Variants in ACP3 observed in about 807,000 individuals in gnomAD.
ACP3 encodes prostatic acid phosphatase.
Under a neutral mutation model 45.6 loss-of-function variants are expected in ACP3, and 38 were observed. The observed-to-expected ratio is 0.83, with a 90% CI of 0.64 to 1.09. The LOEUF (loss-of-function observed/expected upper bound fraction) is 1.09, where lower values mean the gene tolerates loss of function less well. Ranked by LOEUF, ACP3 falls within the 50% of genes least tolerant of loss-of-function variation. The pLI, the probability that ACP3 is intolerant of heterozygous loss-of-function variation, is 0.00. For synonymous variants in ACP3, 162 were observed against 164.7 expected (o/e 0.98, Z 0.13); for missense variants, 466 against 463.2 (o/e 1.01, Z -0.05).
chr3:132,319,442 A>G (rs1053681571), intron 1 of ACP3, among the ~76,000 whole-genome samples: 7 of 152,228 alleles, frequency 4.6e-5, no homozygotes, highest in Non-Finnish European at 8.8e-5. Flanking sequence ...TGAGTGTTCA[A>G]TATGAATTGT....
At chr3:132,319,494 A>G (rs1937167809) in intron 1 of ACP3, among the ~76,000 whole-genome samples, 1 of 152,252 alleles carries the variant, frequency 6.6e-6, no homozygotes, top group Admixed American at 6.5e-5. Flanking sequence ...TAAGGTCGTT[A>G]AATAAAATAT....
rs577248324 is a variant in ACP3 at position 132,355,149 on chromosome 3, A to G, written c.969-1537A>G. 3.9e-5 allele frequency among the ~76,000 whole-genome samples: 6 copies of G among 152,328 alleles called. No individual in the cohort carries two copies. The South Asian group carries it at 1.2e-3, about 32-fold the overall frequency. On this transcript the variant is annotated intron_variant, in intron 9 of 9. Coordinates refer to ENST00000336375, the MANE Select transcript of ACP3 (RefSeq NM_001099.5). ...GTGCTCACTTGCAGGCAGCTTGTAG[A>G]AAGGAATGAAAGGGTGGAGGCAGCA...
intron 6 of ACP3, among the ~76,000 whole-genome samples, chr3:132,343,155 T>C (rs1431780131): frequency 6.6e-6 from 1 of 152,222 alleles, no homozygotes; most frequent in Non-Finnish European, 1.5e-5. Flanking sequence ...TAAATTACGA[T>C]TGCTTTTCAA....
intron 6 of ACP3, among the ~76,000 whole-genome samples, chr3:132,342,995 A>G (rs1466224728): frequency 6.6e-6 from 1 of 152,226 alleles, no homozygotes. Flanking sequence ...TGAAAAAACA[A>G]TGTTGTTATA....
rs539612534 is a variant in ACP3 at position 132,330,831 on chromosome 3, C to G, written c.217-816C>G. Among the ~76,000 whole-genome samples, 12 of 152,306 alleles carry G rather than the reference C, an allele frequency of 7.9e-5. No individual in the cohort carries two copies. In the East Asian group the frequency reaches 2.3e-3, roughly 29 times the overall value. ...AAGCATGGTGCTCTACTACATGCAT[C>G]TGAATCACTTGGGAGACTTGTTAAA... On this transcript the variant is annotated intron_variant, in intron 2 of 9. Transcript: ENST00000336375.
Position 132,352,843 on chromosome 3 carries a change from T to G in ACP3, c.968+20T>G, listed in dbSNP as rs765358760. On this transcript the variant is annotated intron_variant, in intron 9 of 9. Coordinates refer to ENST00000336375, the MANE Select transcript of ACP3 (RefSeq NM_001099.5). ...GAAGGGGTAAGTGACTAAGTGCTTT[T>G]CAAAATCAGTATCACTGGACCTTGG... The G allele has an allele frequency of 6.6e-7, 1 of 1,508,866 alleles. No individual in the cohort carries two copies. The highest frequency in any genetic ancestry group is 1.1e-5 in the South Asian group (1 of 88,922). 93.5% of individuals were successfully genotyped at this position (1,508,866 alleles called of 1,614,324 possible). A position where few individuals can be genotyped will look rare whatever the true frequency, so the allele number is the denominator to read the frequency against.
rs761779572 is a variant in ACP3, at chr3:132,328,301, C to A, written c.155C>A (p.Thr52Asn). Residue 52 changes from threonine to asparagine, a missense_variant, in exon 2 of 10, where the codon ACC becomes AAC. Coordinates refer to ENST00000336375, the MANE Select transcript of ACP3 (RefSeq NM_001099.5). ...FRHGDRSPID[T>N]FPTDPIKESS... Reference sequence around the variant, plus strand: ...CATGGAGACCGAAGTCCCATTGACACCTTTCCCACTGACCCCATAAAGGAA... The same window carrying A: ...CATGGAGACCGAAGTCCCATTGACAACTTTCCCACTGACCCCATAAAGGAA... The A allele has an allele frequency of 2.5e-6, 4 of 1,613,866 alleles. No individual in the cohort carries two copies. The African/African-American group carries it at 4.0e-5, about 16-fold the overall frequency.
chr3:132,364,652 C>A (rs948689210), intron 10 of ACP3, among the ~76,000 whole-genome samples: 1 of 152,176 alleles, frequency 6.6e-6, no homozygotes, highest in African/African-American at 2.4e-5. Flanking sequence ...TTGTAATTAC[C>A]TTTCTGGTTC....
rs905001062 is a variant in ACP3 at position 132,367,957 on chromosome 3, G to T, written c.*135G>T. On this transcript the variant is annotated 3_prime_UTR_variant, in exon 11 of 11. Transcript: ENST00000351273. ...GCCTTTTGAATCTGCCCAGAGCAGG[G>T]TCTGAACTCACAGTGACCCACAGGC... 4 of 700,840 alleles carry T rather than the reference G, an allele frequency of 5.7e-6. No individual in the cohort carries two copies. In the Admixed American group the frequency reaches 6.7e-5, roughly 12 times the overall value. The allele number at this position is 700,840 out of a possible 1,614,324, so 43.4% of individuals were successfully genotyped here.
At position 132,349,958 on chromosome 3, in the gene ACP3, G is replaced by A. The variant is rs780319965; in HGVS notation, c.820G>A (p.Ala274Thr). Residue 274 changes from alanine (A) to threonine (T), a missense_variant, in exon 8 of 10, where the codon GCA becomes ACA. Ala to Thr is a moderately conservative substitution (Grantham distance 58). Coordinates refer to ENST00000336375, the MANE Select transcript of ACP3 (RefSeq NM_001099.5). ...TGAAATCCTCAATCACATGAAGAGA[G>A]CAACTCAGATACCAAGCTACAAAAA... ...VNEILNHMKRATQIPSYKKLI... is the reference protein window; with the variant it reads ...VNEILNHMKRTTQIPSYKKLI... The A allele has an allele frequency of 1.2e-6, 2 of 1,612,944 alleles. No homozygotes were observed. Among genetic ancestry groups the A allele is most frequent in the African/African-American group, 2.7e-5 (2 of 74,906 alleles).
intron 1 of ACP3, among the ~76,000 whole-genome samples, chr3:132,319,024 C>G (rs1322294499): frequency 6.6e-6 from 1 of 152,190 alleles, no homozygotes; most frequent in East Asian, 1.9e-4. Flanking sequence ...CAAGTTAATT[C>G]TTTCCTGAGG....
intron 1 of ACP3, among the ~76,000 whole-genome samples, chr3:132,325,016 G>A (rs1437262126): frequency 6.6e-6 from 1 of 152,222 alleles, no homozygotes; most frequent in Non-Finnish European, 1.5e-5. Flanking sequence ...TGCTAATAAA[G>A]TATTTTTAGG....
rs1937960292 is a variant in ACP3 at position 132,358,210 on chromosome 3, A to C, written c.*1332A>C. The stretch of plus-strand genomic sequence containing the variant: ...TGTTCAAGACCAGCCTGGTCAACAT[A>C]GTGAGACACTGTCTCTACCAAAAAA... On this transcript the variant is annotated 3_prime_UTR_variant, in exon 10 of 10. Coordinates refer to ENST00000336375, the MANE Select transcript of ACP3 (RefSeq NM_001099.5). The C allele has an allele frequency of 9.2e-7, 1 of 1,090,076 alleles. No homozygotes were observed. Among genetic ancestry groups the C allele is most frequent in the African/African-American group, 1.6e-5 (1 of 60,814 alleles). The allele number at this position is 1,090,076 out of a possible 1,614,324, so 67.5% of individuals were successfully genotyped here.
At position 132,332,107 on chromosome 3, in the gene ACP3, C is replaced by T. The variant is rs931962163; in HGVS notation, c.304-85C>T. Reference sequence around the variant, plus strand: ...TAATATTTCACTGTGGGTGTCCTTTCCTTTCTCTAATACCTTGGCAGCTCT... The same window carrying T: ...TAATATTTCACTGTGGGTGTCCTTTTCTTTCTCTAATACCTTGGCAGCTCT... On this transcript the variant is annotated intron_variant, in intron 3 of 9. Transcript: ENST00000336375. 3 of 1,475,316 alleles carry T rather than the reference C, an allele frequency of 2.0e-6. No homozygotes were observed. In the African/African-American group the frequency reaches 4.2e-5, roughly 21 times the overall value. 91.4% of individuals were successfully genotyped at this position (1,475,316 alleles called of 1,614,324 possible).
intron 1 of ACP3, among the ~76,000 whole-genome samples, chr3:132,318,931 C>G (rs1251279010): frequency 1.3e-5 from 2 of 152,200 alleles, no homozygotes; most frequent in Non-Finnish European, 2.9e-5. Flanking sequence ...GATGTATTCC[C>G]TCCTCCATGT....
At chr3:132,343,722 C>T (rs1471014809) in intron 6 of ACP3, among the ~76,000 whole-genome samples, 4 of 152,208 alleles carry the variant, frequency 2.6e-5, no homozygotes, top group Non-Finnish European at 5.9e-5. Flanking sequence ...TCAACTCTTC[C>T]TAACGGGTAA....
At chr3:132,366,014 C>CT (rs1938126252) in intron 10 of ACP3, among the ~76,000 whole-genome samples, 1 of 151,074 alleles carries the variant, frequency 6.6e-6, no homozygotes, top group Admixed American at 6.6e-5. Context: ...GGATTGTGGC[C>CT]TTGTGGCCAG....
chr3:132,357,699 A>C lies in ACP3; in HGVS notation c.*821A>C, dbSNP rs1311300832. The C allele has an allele frequency of 3.0e-6, 3 of 985,336 alleles. No homozygotes were observed. The highest frequency in any genetic ancestry group is 3.6e-6 in the Non-Finnish European group (3 of 829,920). 61.0% of individuals were successfully genotyped at this position (985,336 alleles called of 1,614,324 possible). A position where few individuals can be genotyped will look rare whatever the true frequency, so the allele number is the denominator to read the frequency against. ...CAGGAAAGAGAGCACCACGTGATGGAGTTTCTCTAGAAGCTCCAGTGATAA... is the reference window on the plus strand; with the variant it reads ...CAGGAAAGAGAGCACCACGTGATGGCGTTTCTCTAGAAGCTCCAGTGATAA... On this transcript the variant is annotated 3_prime_UTR_variant, in exon 10 of 10. Coordinates refer to ENST00000336375, the MANE Select transcript of ACP3 (RefSeq NM_001099.5).
chr3:132,357,087 T>G lies in ACP3; in HGVS notation c.*209T>G. The G allele has an allele frequency of 4.6e-6, 6 of 1,308,520 alleles. No individual in the cohort carries two copies. The highest frequency in any genetic ancestry group is 5.8e-6 in the Non-Finnish European group (6 of 1,028,254). The allele number at this position is 1,308,520 out of a possible 1,614,324, so 81.1% of individuals were successfully genotyped here. A position where few individuals can be genotyped will look rare whatever the true frequency, so the allele number is the denominator to read the frequency against. ...CCATAAAACTTAGCTAAGTTTTGTT[T>G]TGTTTTTCAGCGTTAATGTAAAGGG... On this transcript the variant is annotated 3_prime_UTR_variant, in exon 10 of 10. Transcript: ENST00000336375.
Sources: gnomAD v4.1 joint callset for allele counts (sites outside exome capture counted in the v4.1 genomes callset) on GRCh38, gnomAD v4.1.1 for gene constraint, MANE v1.5 for transcripts, NCBI Gene and HGNC (gene_info 2026-07-23, HGNC 2026-07-21) for gene names.